BOLL: variants seen among roughly 807,000 people sequenced by gnomAD.
The protein encoded by BOLL is boule RNA binding protein, also known as protein boule-like.
In BOLL, 23 loss-of-function variants were observed where a neutral mutation model predicts 44.4. The ratio of observed to expected loss-of-function variants is 0.52; its 90% CI spans 0.37 to 0.73. The LOEUF (loss-of-function observed/expected upper bound fraction) is 0.73. Ranked by LOEUF, BOLL falls within the 30% of genes least tolerant of loss-of-function variation. BOLL has a pLI of 0.00. For synonymous variants in BOLL, 97 were observed against 110.8 expected (o/e 0.88, Z 0.78); for missense variants, 287 against 338.3 (o/e 0.85, Z 1.19).
chr2:197,784,753 A>G, intron 1 of BOLL: 1 of 987,608 alleles, frequency 1.0e-6, no homozygotes, highest in Non-Finnish European at 1.2e-6. Flanking sequence ...TGTTAGCAAT[A>G]GCAAGGCTCA....
intron 9 of BOLL, among the ~76,000 whole-genome samples, chr2:197,749,013 T>C (rs1031264141): frequency 6.6e-6 from 1 of 152,234 alleles, no homozygotes; most frequent in Non-Finnish European, 1.5e-5. Flanking sequence ...TGGGTGTCCC[T>C]CTGGGACGAA....
At chr2:197,781,325 A>G (rs1689768694) in intron 2 of BOLL, among the ~76,000 whole-genome samples, 3 of 152,168 alleles carry the variant, frequency 2.0e-5, no homozygotes, top group Admixed American at 1.3e-4. Flanking sequence ...GTATTTCATA[A>G]AAGTAAGTTT....
At chr2:197,750,069 A>G (rs1688165824) in intron 9 of BOLL, among the ~76,000 whole-genome samples, 1 of 152,250 alleles carries the variant, frequency 6.6e-6, no homozygotes, top group Non-Finnish European at 1.5e-5. Context: ...TGAAGGAGAA[A>G]TAAAATCCTT....
At chr2:197,729,693 C>G (rs9677061) in intron 10 of BOLL, among the ~76,000 whole-genome samples, 3,538 of 152,126 alleles carry the variant, frequency 0.023, 109 homozygotes, top group African/African-American at 0.075. Context: ...GCACCCCCCA[C>G]CAGGGGCACA....
intron 3 of BOLL, among the ~76,000 whole-genome samples, chr2:197,777,943 C>A (rs1487076936): frequency 4.6e-5 from 7 of 151,866 alleles, no homozygotes; most frequent in African/African-American, 1.7e-4. Context: ...TTTGCCCAAA[C>A]ATTAAAAAGT....
In BOLL at chr2:197,759,510, G is replaced by A. The variant is rs572539491; in HGVS notation, c.553-2110C>T. The stretch of plus-strand genomic sequence containing the variant: ...TGCTACAGCGTGACAGCATCTTGAA[G>A]CCATAGTCATCTCTAGGGGGCCAGT... On this transcript the variant is annotated intron_variant, in intron 7 of 10. Coordinates refer to ENST00000392296, the MANE Select transcript of BOLL (RefSeq NM_033030.6). Among the ~76,000 whole-genome samples, 5 of 152,168 alleles carry A rather than the reference G, an allele frequency of 3.3e-5. No individual in the cohort carries two copies. In the South Asian group the frequency reaches 1.0e-3, roughly 32 times the overall value.
At chr2:197,749,021 G>A (rs1300545635) in intron 9 of BOLL, among the ~76,000 whole-genome samples, 1 of 152,260 alleles carries the variant, frequency 6.6e-6, no homozygotes, top group African/African-American at 2.4e-5. Flanking sequence ...CCTCTGGGAC[G>A]AAGCTTCCAG....
At chr2:197,772,326 T>C (rs749237453) in intron 5 of BOLL, among the ~76,000 whole-genome samples, 2 of 152,046 alleles carry the variant, frequency 1.3e-5, no homozygotes, top group Non-Finnish European at 2.9e-5. Context: ...TTTGTACAAA[T>C]ATAAATTATG....
At chr2:197,728,609 A>G (rs766166639) in intron 10 of BOLL, 31 bp from the exon 11 acceptor site, 8 of 1,476,196 alleles carry the variant, frequency 5.4e-6, no homozygotes, top group Middle Eastern at 1.7e-4. Context: ...ATAGATCAGG[A>G]AGACTGAATG....
At chr2:197,780,086 T>C (rs1689699244) in intron 2 of BOLL, among the ~76,000 whole-genome samples, 1 of 152,038 alleles carries the variant, frequency 6.6e-6, no homozygotes, top group Admixed American at 6.6e-5. Context: ...AAATCAATGC[T>C]AGAATAAGAA....
intron 10 of BOLL, among the ~76,000 whole-genome samples, chr2:197,737,447 C>T (rs1559391983): frequency 6.6e-6 from 1 of 152,016 alleles, no homozygotes. Flanking sequence ...GCTCCTCCTG[C>T]CTAGTTCTTT....
intron 9 of BOLL, among the ~76,000 whole-genome samples, chr2:197,750,569 A>C (rs1366686774): frequency 6.6e-6 from 1 of 152,256 alleles, no homozygotes; most frequent in Non-Finnish European, 1.5e-5. Context: ...CATAATGGTA[A>C]AGGGATCAAT....
intron 9 of BOLL, among the ~76,000 whole-genome samples, chr2:197,755,723 A>G (rs1422123940): frequency 6.6e-6 from 1 of 152,212 alleles, no homozygotes; most frequent in Non-Finnish European, 1.5e-5. Flanking sequence ...GGAGGGGCAC[A>G]ACACACATTG....
chr2:197,758,892 T>C (rs1023585839), intron 7 of BOLL: 27 of 1,475,598 alleles, frequency 1.8e-5, no homozygotes, highest in African/African-American at 5.6e-5. Context: ...TGGGGAATTA[T>C]TGCTAAAGAC....
At chr2:197,785,901 C>A, upstream of BOLL, 1 of 1,199,658 alleles carries the variant, frequency 8.3e-7, no homozygotes, top group Non-Finnish European at 1.2e-6. This position sits in a 1 kb window ranked among gnomAD's most constrained non-coding sequence, Gnocchi z 6.7. Flanking sequence ...TCACCTCGCC[C>A]CTCCAAGCCC....
At chr2:197,783,018 A>G (rs1009093932) in intron 1 of BOLL, among the ~76,000 whole-genome samples, 14 of 152,182 alleles carry the variant, frequency 9.2e-5, no homozygotes, top group Admixed American at 3.3e-4. Context: ...AAAAAAACCC[A>G]AGACTTGAGA....
At chr2:197,774,044 A>G (rs1273259359) in intron 5 of BOLL, 5 of 462,556 alleles carry the variant, frequency 1.1e-5, no homozygotes, top group Non-Finnish European at 2.2e-5. Flanking sequence ...GGAGTCAAAC[A>G]GTCCTGCATT....
Position 197,785,019 on chromosome 2 carries a change from T to C in BOLL, c.-16+37A>G. ...AATCAACCTCGAGATCTAGCATCTA[T>C]TTTGCAAACGAAGACAGCAGGAACG... On this transcript the variant is annotated intron_variant, in intron 1 of 10. Coordinates refer to ENST00000392296, the MANE Select transcript of BOLL (RefSeq NM_033030.6). This position sits in a 1 kb window ranked among gnomAD's most constrained non-coding sequence, Gnocchi z 6.7. The C allele has an allele frequency of 4.1e-6, 4 of 986,022 alleles. No homozygotes were observed. The highest frequency in any genetic ancestry group is 4.8e-6 in the Non-Finnish European group (4 of 829,974). 61.1% of individuals were successfully genotyped at this position (986,022 alleles called of 1,614,324 possible).
rs1686940435 is a variant in BOLL, at chr2:197,728,286, C to T, written c.*269G>A. 2.0e-6 allele frequency: 1 copy of T among 496,204 alleles called. No individual in the cohort carries two copies. Among genetic ancestry groups the T allele is most frequent in the Non-Finnish European group, 3.6e-6 (1 of 281,132 alleles). 30.7% of individuals were successfully genotyped at this position (496,204 alleles called of 1,614,324 possible). On this transcript the variant is annotated 3_prime_UTR_variant, in exon 11 of 11. Coordinates refer to ENST00000392296, the MANE Select transcript of BOLL (RefSeq NM_033030.6). ...GTTATTATTTATGGAATGGATAAAA[C>T]ATGTTGTAGAAAAGGTCATTACAGT...
Sources: gnomAD v4.1 joint callset for allele counts (sites outside exome capture counted in the v4.1 genomes callset) on GRCh38, gnomAD v4.1.1 for gene constraint, Gnocchi (gnomAD v3.1) non-coding constraint, MANE v1.5 for transcripts, NCBI Gene and HGNC (gene_info 2026-07-23, HGNC 2026-07-21) for gene names.